The following ULK2 variants were observed in gnomAD, a reference collection of about 807,000 sequenced individuals.
ULK2 encodes serine/threonine-protein kinase ULK2.
ULK2 carries 76 observed loss-of-function variants against 127.5 expected under a neutral mutation model. The ratio of observed to expected loss-of-function variants is 0.60; its 90% CI spans 0.50 to 0.72. The LOEUF (loss-of-function observed/expected upper bound fraction) is 0.72, where lower values mean the gene tolerates loss of function less well. Among genes scored for constraint, ULK2 ranks in the 30% least tolerant of loss-of-function variants. The pLI is 0.00. For synonymous variants in ULK2, 452 were observed against 461.9 expected, an observed-to-expected ratio of 0.98 and a Z score of 0.28; for missense variants, 1,144 against 1,295.9, an observed-to-expected ratio of 0.88 and a Z score of 1.80.
chr17:19,788,521 C>T (rs2087084078), intron 20 of ULK2, among the ~76,000 whole-genome samples: 2 of 151,842 alleles, frequency 1.3e-5, no homozygotes, highest in African/African-American at 2.4e-5. Flanking sequence ...GGATTCATCA[C>T]CTGCTGACTG....
rs758592514 is a variant in ULK2, at chr17:19,796,210, G to A, written c.1882C>T (p.Pro628Ser). 3.7e-6 allele frequency: 6 copies of A among 1,614,154 alleles called. No homozygotes were observed. Among genetic ancestry groups the A allele is most frequent in the Non-Finnish European group, 5.1e-6 (6 of 1,180,042 alleles). The change falls in exon 19 of 27, where the codon CCT becomes TCT. Residue 628 changes from proline (P) to serine (S), a missense_variant. Physicochemically the swap from Pro to Ser is moderately conservative, Grantham distance 74 (BLOSUM62 -1). Coordinates refer to ENST00000395544, the MANE Select transcript of ULK2 (RefSeq NM_014683.4). The part of the protein sequence containing the change: ...NLLALVTRHG[P>S]AEEQSKDGNE... ...CCATCTTTCGACTGTTCTTCAGCAG[G>A]CCCATGACGAGTAACCAAGGCTAAC...
intron 3 of ULK2, among the ~76,000 whole-genome samples, chr17:19,851,640 A>AAAAT (rs1282320643): frequency 6.6e-6 from 1 of 151,816 alleles, no homozygotes; most frequent in Non-Finnish European, 1.5e-5. Flanking sequence ...ACCCCATCAC[A>AAAAT]AAATAAATAA....
chr17:19,798,117 C>T (rs1005133969), intron 17 of ULK2, among the ~76,000 whole-genome samples: 2 of 152,060 alleles, frequency 1.3e-5, no homozygotes, highest in South Asian at 2.1e-4. Flanking sequence ...AAAGAAAACT[C>T]GAACTAACTC....
At chr17:19,829,223 T>G (rs935260802) in intron 10 of ULK2, among the ~76,000 whole-genome samples, 6 of 152,200 alleles carry the variant, frequency 3.9e-5, no homozygotes, top group Middle Eastern at 3.4e-3. Flanking sequence ...AATTGAAAAC[T>G]GTTATAAAAG....
intron 8 of ULK2, among the ~76,000 whole-genome samples, chr17:19,842,198 T>TC (rs1175798216): frequency 4.1e-5 from 6 of 144,934 alleles, no homozygotes; most frequent in Non-Finnish European, 6.1e-5. Flanking sequence ...TTCTTTTTTT[T>TC]TTTTTTTTTT....
At chr17:19,827,227 C>T (rs971874592) in intron 10 of ULK2, among the ~76,000 whole-genome samples, 8 of 152,188 alleles carry the variant, frequency 5.3e-5, no homozygotes, top group Non-Finnish European at 1.2e-4. Flanking sequence ...ATTCAACATT[C>T]ACTAAGACAA....
In ULK2 at chr17:19,849,741, C is replaced by T; in HGVS notation, c.258+1G>A. The T allele has an allele frequency of 1.3e-6, 2 of 1,535,602 alleles. No homozygotes were observed. The highest frequency in any genetic ancestry group is 4.6e-5 in the East Asian group (2 of 43,188). ...TAAACAGAAGTTTGTATACTACCTA[C>T]CTCCATCACCAAAAAGACAGAGTTG... On this transcript the variant is annotated splice_donor_variant, in intron 4 of 26. Coordinates refer to ENST00000395544, the MANE Select transcript of ULK2 (RefSeq NM_014683.4). LOFTEE classifies it high-confidence loss of function.
chr17:19,801,560 C>T (rs187940038), intron 16 of ULK2, among the ~76,000 whole-genome samples: 5 of 151,950 alleles, frequency 3.3e-5, no homozygotes, highest in Admixed American at 6.6e-5. Context: ...CCAGCCTGGG[C>T]GACAGAGTGA....
In ULK2 at chr17:19,829,548, A is replaced by AGGG. The variant is rs57054467; in HGVS notation, c.788-3365_788-3363dup. Among the ~76,000 whole-genome samples, 200 of 25,492 alleles carry AGGG rather than the reference A, an allele frequency of 7.8e-3. 4 individuals are homozygous for AGGG. Among genetic ancestry groups the AGGG allele is most frequent in the African/African-American group, 0.02 (164 of 8,116 alleles). 16.7% of individuals were successfully genotyped at this position (25,492 alleles called of 152,430 possible). A position where few individuals can be genotyped will look rare whatever the true frequency, so the allele number is the denominator to read the frequency against. ...TGAGACCCTGTCAAGGAAAAAAAAA[A>AGGG]GGGGGGGGGCTGGGCACGGTAGCTC... is the stretch of plus-strand genomic sequence containing the variant. On this transcript the variant is annotated intron_variant, in intron 10 of 26. Transcript: ENST00000395544.
rs967032226 is a variant in ULK2, at chr17:19,795,754, A to G, written c.1998-29T>C. 4 of 1,596,110 alleles carry G rather than the reference A, an allele frequency of 2.5e-6. No homozygotes were observed. The African/African-American group carries it at 5.4e-5, about 21-fold the overall frequency. ...AAAAGAATAGTGATGTTTTTAATAA[A>G]GGAAAAGTATACTTTTTAAAACTAG... is the stretch of plus-strand genomic sequence containing the variant. On this transcript the variant is annotated intron_variant, in intron 19 of 26. Transcript: ENST00000395544.
intron 7 of ULK2, 137 bp downstream of exon 7, chr17:19,845,167 G>A (rs542670575): frequency 2.8e-6 from 2 of 706,464 alleles, no homozygotes; most frequent in South Asian, 4.7e-5. Context: ...AGCATTATCA[G>A]TAATATAATT....
chr17:19,856,043 AAAAT>A (rs2042119795), intron 3 of ULK2: 1 of 152,180 alleles, frequency 6.6e-6, no homozygotes, highest in African/African-American at 2.4e-5. Context: ...TTTAAAAATA[AAAAT>A]AAATGTACAG....
chr17:19,813,522 A>G (rs1399684294), intron 13 of ULK2, among the ~76,000 whole-genome samples: 1 of 152,224 alleles, frequency 6.6e-6, no homozygotes, highest in Non-Finnish European at 1.5e-5. Context: ...TAAACTGTAT[A>G]ACTGTTTTAA....
chr17:19,813,261 C>T (rs1372908158), intron 13 of ULK2, among the ~76,000 whole-genome samples: 1 of 152,078 alleles, frequency 6.6e-6, no homozygotes, highest in Non-Finnish European at 1.5e-5. Context: ...ACATACAGAG[C>T]TCTCAAACAA....
At position 19,780,153 on chromosome 17, in the gene ULK2, G is replaced by A. The variant is rs564263376; in HGVS notation, c.2916+319C>T. On this transcript the variant is annotated intron_variant, in intron 25 of 26. Transcript: ENST00000395544. The stretch of plus-strand genomic sequence containing the variant: ...CGTGCCACTGTACTCCAGCCTGGGC[G>A]ACAGAGTAACTCCGTCTCAAGAAAA... Among the ~76,000 whole-genome samples the A allele has an allele frequency of 3.4e-5, 5 of 147,022 alleles. No individual in the cohort carries two copies. The East Asian group carries it at 9.9e-4, about 29-fold the overall frequency.
In ULK2 at chr17:19,867,541, G is replaced by C; in HGVS notation, c.-124C>G. 4.0e-6 allele frequency: 2 copies of C among 504,142 alleles called. No homozygotes were observed. The highest frequency in any genetic ancestry group is 4.5e-5 in the East Asian group (1 of 22,344). The allele number at this position is 504,142 out of a possible 1,614,324, so 31.2% of individuals were successfully genotyped here. ...GCGGGTCTGGGGCAGCCGCAGCCCC[G>C]GGCCCGGGCGGACTCTCATGCCGAG... On this transcript the variant is annotated 5_prime_UTR_variant, in exon 1 of 27. Coordinates refer to ENST00000395544, the MANE Select transcript of ULK2 (RefSeq NM_014683.4).
intron 3 of ULK2, 54 bp downstream of exon 3, chr17:19,864,749 T>C (rs1176667240): frequency 2.6e-6 from 2 of 779,598 alleles, no homozygotes; most frequent in Non-Finnish European, 3.6e-6. Flanking sequence ...CTTAAATCTG[T>C]ATGAAATTAA....
intron 13 of ULK2, among the ~76,000 whole-genome samples, chr17:19,811,397 T>C (rs1363591725): frequency 6.6e-6 from 1 of 151,940 alleles, no homozygotes; most frequent in South Asian, 2.1e-4. Context: ...ATCAACCTGA[T>C]AGCTTAATCA....
chr17:19,795,542 T>G, intron 20 of ULK2, 80 bp downstream of exon 20: 2 of 1,149,804 alleles, frequency 1.7e-6, no homozygotes, highest in Non-Finnish European at 2.6e-6. Context: ...AAGCATGTGA[T>G]GATTTGTTAC....
Sources: gnomAD v4.1 joint callset for allele counts (sites outside exome capture counted in the v4.1 genomes callset) on GRCh38, gnomAD v4.1.1 for gene constraint, MANE v1.5 for transcripts, NCBI Gene and HGNC (gene_info 2026-07-23, HGNC 2026-07-21) for gene names.